The following ITGA9 variants were observed in gnomAD, a reference collection of about 807,000 sequenced individuals.
The protein encoded by ITGA9 is integrin subunit alpha 9, also known as integrin alpha-9.
ITGA9 carries 56 observed loss-of-function variants against 127.8 expected under a neutral mutation model. The ratio of observed to expected loss-of-function variants is 0.44; its 90% CI spans 0.35 to 0.55. ITGA9 has a LOEUF of 0.55. Ranked by LOEUF, ITGA9 falls within the 20% of genes least tolerant of loss-of-function variation. The pLI, the probability that ITGA9 is intolerant of heterozygous loss-of-function variation, is 0.00. For synonymous variants in ITGA9, 508 were observed against 514.5 expected (o/e 0.99, Z 0.17); for missense variants, 1,196 against 1,347.1 (o/e 0.89, Z 1.76).
At chr3:37,459,136 A>G (rs1253240768) in intron 1 of ITGA9, among the ~76,000 whole-genome samples, 2 of 152,252 alleles carry the variant, frequency 1.3e-5, no homozygotes, top group African/African-American at 2.4e-5. Context: ...AATTAGCAAC[A>G]GTAGCAACAA....
At position 37,779,930 on chromosome 3, in the gene ITGA9, T is replaced by C; in HGVS notation, c.2696T>C (p.Leu899Pro). 1 of 1,614,002 alleles carries C rather than the reference T, an allele frequency of 6.2e-7. No homozygotes were observed. Among genetic ancestry groups the C allele is most frequent in the Non-Finnish European group, 8.5e-7 (1 of 1,179,844 alleles). The change falls in exon 25 of 28, where the codon CTA (leucine) becomes CCA (proline). Residue 899 changes from leucine (L) to proline (P), a missense_variant. Transcript: ENST00000264741. ...TGTGAAAAACCAGGAATTTCTTGCC[T>C]AACAGCACACTGTAACTTTAGTGCT... ...LDCEKPGISC[L>P]TAHCNFSALA...
intron 18 of ITGA9, among the ~76,000 whole-genome samples, chr3:37,720,289 C>T (rs1701177884): frequency 1.3e-5 from 2 of 152,152 alleles, no homozygotes; most frequent in South Asian, 4.1e-4. Context: ...AGTACCTGAG[C>T]CCCTTCAAAC....
rs370300041 is a variant in ITGA9, at chr3:37,692,467, G to C, written c.2067+8452G>C. On this transcript the variant is annotated intron_variant, in intron 18 of 27. Transcript: ENST00000264741. ...TGTCTACATACTGTAAAAAAAAATA[G>C]AGACAGTGTTAAACTGAACATTTTT... is the stretch of plus-strand genomic sequence containing the variant. 2.6e-4 allele frequency among the ~76,000 whole-genome samples: 40 copies of C among 151,468 alleles called. No individual in the cohort carries two copies. In the East Asian group the frequency reaches 7.4e-3, roughly 28 times the overall value.
At chr3:37,690,877 G>A (rs1299948341) in intron 18 of ITGA9, among the ~76,000 whole-genome samples, 1 of 152,188 alleles carries the variant, frequency 6.6e-6, no homozygotes, top group African/African-American at 2.4e-5. Flanking sequence ...GGGAGGTGAA[G>A]TTATATAGGC....
At chr3:37,810,422 T>G (rs1232429512) in intron 27 of ITGA9, among the ~76,000 whole-genome samples, 4 of 149,886 alleles carry the variant, frequency 2.7e-5, no homozygotes, top group Non-Finnish European at 5.9e-5. Flanking sequence ...CTAGTCTGTT[T>G]CTTTTTTTTT....
At chr3:37,571,737 A>T (rs186069321) in intron 15 of ITGA9, among the ~76,000 whole-genome samples, 90 of 152,108 alleles carry the variant, frequency 5.9e-4, no homozygotes, top group African/African-American at 2.0e-3. Context: ...GATCCTGGGG[A>T]GGGAATCCGC....
Position 37,481,568 on chromosome 3 carries a change from CT to C in ITGA9, c.506del (p.Leu169ProfsTer8). The stretch of plus-strand genomic sequence containing the variant: ...CTTCTGCTACATCATCCCCTCCAAC[CT>C]CCAGGCCAAAGGCAGGACGCTGATC... ...HGFCYIIPSN[L>X]QAKGRTLIPC... On this transcript the variant is annotated frameshift_variant, in exon 4 of 28. Coordinates refer to ENST00000264741, the MANE Select transcript of ITGA9 (RefSeq NM_002207.3). LOFTEE classifies it high-confidence loss of function. 1.2e-6 allele frequency: 2 copies of C among 1,614,194 alleles called. No homozygotes were observed. The highest frequency in any genetic ancestry group is 1.7e-6 in the Non-Finnish European group (2 of 1,180,028).
intron 5 of ITGA9, among the ~76,000 whole-genome samples, chr3:37,497,811 T>G (rs1174711400): frequency 6.6e-6 from 1 of 152,172 alleles, no homozygotes; most frequent in Non-Finnish European, 1.5e-5. Flanking sequence ...TGGGAACCAC[T>G]GTAAGTTCAC....
At chr3:37,624,275 G>GT (rs1700156040) in intron 15 of ITGA9, among the ~76,000 whole-genome samples, 1 of 147,782 alleles carries the variant, frequency 6.8e-6, no homozygotes, top group Admixed American at 6.9e-5. Flanking sequence ...GGCCAGTTAG[G>GT]GGTGCCAGGG....
intron 15 of ITGA9, among the ~76,000 whole-genome samples, chr3:37,610,107 AG>A (rs1170162060): frequency 1.3e-5 from 2 of 152,136 alleles, no homozygotes; most frequent in Non-Finnish European, 1.5e-5. Context: ...GAGGGATGAG[AG>A]GTCCAAGGCA....
rs78962834 is a variant in ITGA9 at position 37,705,571 on chromosome 3, C to A, written c.2067+21556C>A. 2.1e-3 allele frequency among the ~76,000 whole-genome samples: 313 copies of A among 152,284 alleles called. 1 individual carries two copies. The highest frequency in any genetic ancestry group is 6.7e-3 in the African/African-American group (278 of 41,556). On this transcript the variant is annotated intron_variant, in intron 18 of 27. Coordinates refer to ENST00000264741, the MANE Select transcript of ITGA9 (RefSeq NM_002207.3). Reference sequence around the variant, plus strand: ...AAGTCCAGCTTCGTGTGGGAGAGCTCTGAGGCCCTCTCCCAGCCCTCGTTT... The same window carrying A: ...AAGTCCAGCTTCGTGTGGGAGAGCTATGAGGCCCTCTCCCAGCCCTCGTTT...
chr3:37,768,065 G>T (rs1696799900), intron 23 of ITGA9, among the ~76,000 whole-genome samples: 1 of 152,240 alleles, frequency 6.6e-6, no homozygotes, highest in Admixed American at 6.5e-5. Flanking sequence ...TTATTACAGG[G>T]TCTTGAAATG....
intron 22 of ITGA9, 144 bp from the exon 23 acceptor site, chr3:37,750,318 T>C: frequency 1.5e-6 from 1 of 661,726 alleles, no homozygotes; most frequent in Non-Finnish European, 2.7e-6. Context: ...GTAGTTCACT[T>C]TACTTCAAGT....
chr3:37,658,359 C>A (rs1331525265), intron 17 of ITGA9, among the ~76,000 whole-genome samples: 1 of 152,168 alleles, frequency 6.6e-6, no homozygotes, highest in Non-Finnish European at 1.5e-5. Context: ...CTTTATGAAT[C>A]TGTGTGCTCC....
chr3:37,680,205 G>A (rs192168525), intron 17 of ITGA9, among the ~76,000 whole-genome samples: 4 of 152,298 alleles, frequency 2.6e-5, no homozygotes, highest in East Asian at 3.9e-4. Flanking sequence ...TCTCAGTGTT[G>A]TGAGGTTTCA....
rs531918239 is a variant in ITGA9 at position 37,691,237 on chromosome 3, T to C, written c.2067+7222T>C. Among the ~76,000 whole-genome samples the C allele has an allele frequency of 1.4e-4, 22 of 152,156 alleles. No homozygotes were observed. In the East Asian group the frequency reaches 3.3e-3, roughly 23 times the overall value. On this transcript the variant is annotated intron_variant, in intron 18 of 27. Coordinates refer to ENST00000264741, the MANE Select transcript of ITGA9 (RefSeq NM_002207.3). ...AGAGAGGCCCACAGGATTAGAAGTA[T>C]CTCTAACCTGAGCACCTCACTTTCT... is the stretch of plus-strand genomic sequence containing the variant.
chr3:37,515,840 G>C (rs1376778908), intron 9 of ITGA9, among the ~76,000 whole-genome samples: 1 of 152,160 alleles, frequency 6.6e-6, no homozygotes, highest in African/African-American at 2.4e-5. Context: ...AGTGAGCTAT[G>C]ATTGCACCAC....
chr3:37,520,588 C>T (rs1699034419), intron 11 of ITGA9, among the ~76,000 whole-genome samples: 1 of 152,218 alleles, frequency 6.6e-6, no homozygotes, highest in Non-Finnish European at 1.5e-5. Flanking sequence ...AACTATTTTG[C>T]CATGAGGCAT....
intron 24 of ITGA9, 33 bp downstream of exon 24, chr3:37,777,550 G>A (rs1696923665): frequency 1.9e-5 from 30 of 1,612,606 alleles, no homozygotes; most frequent in Non-Finnish European, 2.1e-5. Context: ...GGGTAACACG[G>A]GTGGTCCTCA....
Sources: gnomAD v4.1 joint callset for allele counts (sites outside exome capture counted in the v4.1 genomes callset) on GRCh38, gnomAD v4.1.1 for gene constraint, MANE v1.5 for transcripts, NCBI Gene and HGNC (gene_info 2026-07-23, HGNC 2026-07-21) for gene names.